Variants in ANKIB1 observed in about 807,000 individuals in gnomAD.
ANKIB1 encodes the protein ankyrin repeat and IBR domain-containing protein 1.
A neutral mutation model predicts 122.1 loss-of-function variants in ANKIB1; 43 were observed. The observed-to-expected ratio is 0.35, with a 90% confidence interval of 0.28 to 0.45. ANKIB1 has a LOEUF of 0.45. ANKIB1 is among the 20% of genes least tolerant of loss of function. ANKIB1 has a pLI of 1.00. For synonymous variants in ANKIB1, 390 were observed against 442.0 expected (o/e 0.88, Z 1.48); for missense variants, 992 against 1,329.5 (o/e 0.75, Z 3.95).
chr7:92,270,212 G>A (rs1004361793), intron 1 of ANKIB1, among the ~76,000 whole-genome samples: 1 of 152,096 alleles, frequency 6.6e-6, no homozygotes, highest in African/African-American at 2.4e-5. Flanking sequence ...GTAGGCGCAT[G>A]CCACCATGCC....
intron 9 of ANKIB1, among the ~76,000 whole-genome samples, chr7:92,358,327 T>TA (rs1465185149): frequency 5.3e-5 from 8 of 152,214 alleles, no homozygotes; most frequent in Admixed American, 4.6e-4. Flanking sequence ...TGCTTTTTTT[T>TA]ATATCCTTTC....
chr7:92,283,940 T>C (rs866146805), intron 1 of ANKIB1, among the ~76,000 whole-genome samples: 6 of 152,062 alleles, frequency 3.9e-5, no homozygotes, highest in African/African-American at 1.2e-4. Context: ...ACAGCTAATA[T>C]TTGTATTTTT....
intron 5 of ANKIB1, among the ~76,000 whole-genome samples, chr7:92,329,050 C>A (rs1391434941): frequency 2.6e-5 from 4 of 151,006 alleles, no homozygotes; most frequent in African/African-American, 9.7e-5. Flanking sequence ...TCACTACAAC[C>A]TCTGCCTTCC....
intron 5 of ANKIB1, among the ~76,000 whole-genome samples, chr7:92,329,497 A>T (rs1803112651): frequency 6.6e-6 from 1 of 152,176 alleles, no homozygotes; most frequent in African/African-American, 2.4e-5. Context: ...TGCTGTGCAT[A>T]TTTATCTCAT....
In ANKIB1 at chr7:92,357,732, CA is replaced by C. The variant is rs961949515; in HGVS notation, c.1398-4436del. On this transcript the variant is annotated intron_variant, in intron 9 of 19. Coordinates refer to ENST00000265742, the MANE Select transcript of ANKIB1 (RefSeq NM_019004.2). ...CCTGGGTGCCAGAGCAAGACTCTCT[CA>C]AAAAAAAAAAAAAAAAGAAAAAGAA... Among the ~76,000 whole-genome samples the C allele has an allele frequency of 4.3e-3, 321 of 75,020 alleles. 1 individual carries two copies. Among genetic ancestry groups the C allele is most frequent in the Admixed American group, 0.01 (66 of 6,394 alleles). The allele number at this position is 75,020 out of a possible 152,430, so 49.2% of individuals were successfully genotyped here.
intron 17 of ANKIB1, among the ~76,000 whole-genome samples, chr7:92,394,629 G>A (rs1033529274): frequency 6.6e-6 from 1 of 152,110 alleles, no homozygotes; most frequent in Non-Finnish European, 1.5e-5. Context: ...CTTGAATTGA[G>A]ATAAAATTTT....
At chr7:92,338,933 A>AAAAATATATATAT (rs1562786305) in intron 5 of ANKIB1, among the ~76,000 whole-genome samples, 1 of 21,918 alleles carries the variant, frequency 4.6e-5, no homozygotes, top group Non-Finnish European at 8.0e-5. Flanking sequence ...AAAAAAAAAA[A>AAAAATATATATAT]ATATATATAT....
chr7:92,253,420 CTG>C (rs1255507221), intron 1 of ANKIB1, among the ~76,000 whole-genome samples: 1 of 152,214 alleles, frequency 6.6e-6, no homozygotes, highest in Non-Finnish European at 1.5e-5. Context: ...GCCTATGACT[CTG>C]TGCAACTCTC....
Position 92,295,092 on chromosome 7 carries a change from A to C in ANKIB1, c.114A>C (p.Thr38=), listed in dbSNP as rs766209128. 1.3e-5 allele frequency: 20 copies of C among 1,586,294 alleles called. No homozygotes were observed. The East Asian group carries it at 4.5e-4, about 36-fold the overall frequency. ...PQLKESLDPN[T]SYGEPYQHNT... ...TAAAAGAATCTCTTGATCCAAATACATCTTATGGGGAGCCCTACCAGCACA... is the reference window on the plus strand; with the variant it reads ...TAAAAGAATCTCTTGATCCAAATACCTCTTATGGGGAGCCCTACCAGCACA... Residue 38 remains threonine, a synonymous_variant, in exon 2 of 20, where the codon ACA becomes ACC. Transcript: ENST00000265742.
chr7:92,368,580 G>A (rs1804154280), intron 10 of ANKIB1, among the ~76,000 whole-genome samples: 1 of 152,052 alleles, frequency 6.6e-6, no homozygotes, highest in South Asian at 2.1e-4. Context: ...AATTAGCCAG[G>A]TGTGGTGGCG....
chr7:92,310,396 A>G (rs997269762), intron 3 of ANKIB1, among the ~76,000 whole-genome samples: 2 of 152,128 alleles, frequency 1.3e-5, no homozygotes. Flanking sequence ...ATTCAGATAA[A>G]GCTTATCTTT....
At chr7:92,391,447 C>A in intron 16 of ANKIB1, 103 bp downstream of exon 16, 1 of 1,059,670 alleles carries the variant, frequency 9.4e-7, no homozygotes, top group Non-Finnish European at 1.3e-6. Context: ...AAATTATTTA[C>A]ACCTAAAATA....
chr7:92,319,586 C>T, intron 4 of ANKIB1, 74 bp downstream of exon 4: 1 of 1,404,524 alleles, frequency 7.1e-7, no homozygotes, highest in East Asian at 2.3e-5. Context: ...TATTTTTCTT[C>T]TTTAAAACTC....
chr7:92,311,079 T>C (rs1802682831), intron 3 of ANKIB1, among the ~76,000 whole-genome samples: 1 of 152,202 alleles, frequency 6.6e-6, no homozygotes, highest in South Asian at 2.1e-4. Flanking sequence ...TTTCTTTGTA[T>C]CATTGCTTTT....
intron 7 of ANKIB1, among the ~76,000 whole-genome samples, chr7:92,348,385 C>CT (rs563453600): frequency 0.089 from 11,939 of 134,422 alleles, 744 homozygotes; most frequent in East Asian, 0.33. Flanking sequence ...GTCTTTAAGA[C>CT]TTTTTTTTTT....
intron 11 of ANKIB1, among the ~76,000 whole-genome samples, chr7:92,374,762 G>T (rs1429899300): frequency 1.3e-5 from 2 of 151,768 alleles, no homozygotes; most frequent in Non-Finnish European, 2.9e-5. Context: ...AAAGGTTCTG[G>T]TTTTTTTAAT....
At position 92,270,061 on chromosome 7, in the gene ANKIB1, T is replaced by A. The variant is rs1004393230; in HGVS notation, c.-91+23542T>A. Among the ~76,000 whole-genome samples, 6 of 151,974 alleles carry A rather than the reference T, an allele frequency of 3.9e-5. No homozygotes were observed. The East Asian group carries it at 1.2e-3, about 29-fold the overall frequency. On this transcript the variant is annotated intron_variant, in intron 1 of 19. Coordinates refer to ENST00000265742, the MANE Select transcript of ANKIB1 (RefSeq NM_019004.2). ...ATGAGTGAGAACAGTTTCTGGTCTT[T>A]TAAAAAAAATTTTTTTTGGAGATAG... is the stretch of plus-strand genomic sequence containing the variant.
intron 1 of ANKIB1, among the ~76,000 whole-genome samples, chr7:92,249,244 T>C (rs1273884562): frequency 6.6e-6 from 1 of 152,208 alleles, no homozygotes; most frequent in East Asian, 1.9e-4. Context: ...GCATCTACTG[T>C]GTGTGCCAAG....
At chr7:92,294,825 G>A (rs1000820618) in intron 1 of ANKIB1, 64 bp from the exon 2 acceptor site, 18 of 569,626 alleles carry the variant, frequency 3.2e-5, no homozygotes, top group Non-Finnish European at 5.2e-5. Flanking sequence ...GTTCCTAATT[G>A]TGTTATTGTT....
Sources: allele counts gnomAD v4.1 joint callset (sites outside exome capture counted in the v4.1 genomes callset), GRCh38; gene constraint gnomAD v4.1.1; transcripts MANE v1.5; gene names NCBI Gene and HGNC (gene_info 2026-07-23, HGNC 2026-07-21).